The following PHACTR2 variants were observed in gnomAD, a reference collection of about 807,000 sequenced individuals.
The protein encoded by PHACTR2 is phosphatase and actin regulator 2, also known as chromosome 6 open reading frame 56.
Under a neutral mutation model 76.0 loss-of-function variants are expected in PHACTR2, and 30 were observed. The ratio of observed to expected loss-of-function variants is 0.39; its 90% CI spans 0.30 to 0.54. The LOEUF (loss-of-function observed/expected upper bound fraction) is 0.54, where lower values mean the gene tolerates loss of function less well. Ranked by LOEUF, PHACTR2 falls within the 20% of genes least tolerant of loss-of-function variation. The pLI, the probability that PHACTR2 is intolerant of heterozygous loss-of-function variation, is 0.61. For missense variants in PHACTR2, 696 were observed against 781.1 expected (o/e 0.89, Z 1.30); for synonymous variants, 292 against 292.5 (o/e 1.00, Z 0.02).
In PHACTR2 at chr6:143,558,308, G is replaced by GT. The variant is rs1775209612; in HGVS notation, c.217+21105dup. The stretch of plus-strand genomic sequence containing the variant: ...TATTGTGGTTGTGTTTTAAGAAAGA[G>GT]TTTTCCCCTATTTACATGTAAAAAT... On this transcript the variant is annotated intron_variant, in intron 1 of 11. Transcript: ENST00000367584. The surrounding 1 kb of genome is among the most constrained non-coding windows in gnomAD (Gnocchi z 4.7). Among the ~76,000 whole-genome samples, 1 of 152,080 alleles carries GT rather than the reference G, an allele frequency of 6.6e-6. No homozygotes were observed. Among genetic ancestry groups the GT allele is most frequent in the Admixed American group, 6.5e-5 (1 of 15,274 alleles).
chr6:143,543,707 G>A lies in PHACTR2; in HGVS notation c.217+6500G>A, dbSNP rs143862207. ...AGAAAACACTCAGCAGTTGCTTTTG[G>A]CTCTGAGCAGGGTTCTTTTGGGAGA... On this transcript the variant is annotated intron_variant, in intron 1 of 11. Transcript: ENST00000367584. This position sits in a 1 kb window ranked among gnomAD's most constrained non-coding sequence, Gnocchi z 4.7. 1.3e-3 allele frequency among the ~76,000 whole-genome samples: 195 copies of A among 152,320 alleles called. No individual in the cohort carries two copies. Among genetic ancestry groups the A allele is most frequent in the African/African-American group, 4.3e-3 (177 of 41,574 alleles).
intron 1 of PHACTR2, among the ~76,000 whole-genome samples, chr6:143,682,605 A>G (rs779727423): frequency 1.3e-5 from 2 of 152,190 alleles, no homozygotes; most frequent in African/African-American, 2.4e-5. Context: ...ATCTATTTAC[A>G]TGTGCAAAGA....
chr6:143,814,529 A>G (rs1192355549), intron 12 of PHACTR2, among the ~76,000 whole-genome samples: 1 of 151,466 alleles, frequency 6.6e-6, no homozygotes, highest in Non-Finnish European at 1.5e-5. Flanking sequence ...AAGTGGACTC[A>G]TGCAGTTCAA....
intron 1 of PHACTR2, among the ~76,000 whole-genome samples, chr6:143,665,138 T>A (rs896811642): frequency 6.6e-6 from 1 of 152,224 alleles, no homozygotes; most frequent in Non-Finnish European, 1.5e-5. Context: ...ATCCTGTAGA[T>A]GTTTTCAGTG....
At chr6:143,644,720 A>G (rs1262307492) in intron 1 of PHACTR2, among the ~76,000 whole-genome samples, 2 of 151,338 alleles carry the variant, frequency 1.3e-5, no homozygotes, top group African/African-American at 4.9e-5. Context: ...ATGTAAAACA[A>G]TGGTGTATCT....
rs1582772772 is a variant in PHACTR2 at position 143,688,340 on chromosome 6, T to C, written c.46+10131T>C. ...GGTGAAGTGGATGCCTGATCTGGGG[T>C]GAGGGGTGGGTAGAGAAATGGGAGT... On this transcript the variant is annotated intron_variant, in intron 1 of 12. Coordinates refer to ENST00000440869, the MANE Select transcript of PHACTR2 (RefSeq NM_001100164.2). The surrounding 1 kb of genome is among the most constrained non-coding windows in gnomAD (Gnocchi z 5.2). Among the ~76,000 whole-genome samples the C allele has an allele frequency of 6.6e-6, 1 of 152,062 alleles. No individual in the cohort carries two copies. Among genetic ancestry groups the C allele is most frequent in the Middle Eastern group, 3.4e-3 (1 of 294 alleles).
At position 143,653,135 on chromosome 6, in the gene PHACTR2, T is replaced by A. The variant is rs977799048; in HGVS notation, c.13+44813T>A. ...CCTCTGTCCCCAGGTGTCTCAGAAG[T>A]AATCCTAATCATTGAACTTTGGCCC... is the stretch of plus-strand genomic sequence containing the variant. On this transcript the variant is annotated intron_variant, in intron 1 of 11. Coordinates refer to the PHACTR2 transcript ENST00000305766. The surrounding 1 kb of genome is among the most constrained non-coding windows in gnomAD (Gnocchi z 4.9). Among the ~76,000 whole-genome samples, 6 of 152,194 alleles carry A rather than the reference T, an allele frequency of 3.9e-5. No homozygotes were observed. Among genetic ancestry groups the A allele is most frequent in the Admixed American group, 3.3e-4 (5 of 15,278 alleles).
intron 2 of PHACTR2, among the ~76,000 whole-genome samples, chr6:143,728,216 C>CTTTTTTTTTTTTTTTTTT (rs548709835): frequency 8.4e-5 from 7 of 83,744 alleles, no homozygotes; most frequent in East Asian, 3.2e-4. Flanking sequence ...TTTTTTCTTT[C>CTTTTTTTTTTTTTTTTTT]TTTTTTTTTT....
In PHACTR2 at chr6:143,561,543, A is replaced by G. The variant is rs1032279519; in HGVS notation, c.217+24336A>G. On this transcript the variant is annotated intron_variant, in intron 1 of 11. Transcript: ENST00000367584. The surrounding 1 kb of genome is among the most constrained non-coding windows in gnomAD (Gnocchi z 4.1). ...GCTGTGGGCCCAGAGTGCAGGGGAG[A>G]TGCCTGGTCCCCTCCTCCAGTCAGT... is the stretch of plus-strand genomic sequence containing the variant. 1 of 152,274 alleles carries G rather than the reference A, an allele frequency of 6.6e-6. No individual in the cohort carries two copies. Among genetic ancestry groups the G allele is most frequent in the African/African-American group, 2.4e-5 (1 of 41,420 alleles). The allele number at this position is 152,274 out of a possible 1,614,324, so 9.4% of individuals were successfully genotyped here.
chr6:143,737,007 G>T lies in PHACTR2; in HGVS notation c.215-11978G>T, dbSNP rs1324882570. On this transcript the variant is annotated intron_variant, in intron 2 of 12. Transcript: ENST00000440869. ...ACCTACCAATAACTTGCAGGGTCTGGATTTGAACACAAAGGTATATTCTTA... is the reference window on the plus strand; with the variant it reads ...ACCTACCAATAACTTGCAGGGTCTGTATTTGAACACAAAGGTATATTCTTA... Among the ~76,000 whole-genome samples, 4 of 151,912 alleles carry T rather than the reference G, an allele frequency of 2.6e-5. No homozygotes were observed. In the East Asian group the frequency reaches 7.7e-4, roughly 29 times the overall value.
intron 2 of PHACTR2, among the ~76,000 whole-genome samples, chr6:143,720,604 G>A (rs1010331725): frequency 5.3e-5 from 8 of 152,130 alleles, no homozygotes; most frequent in Non-Finnish European, 1.2e-4. Flanking sequence ...GAACCTCATG[G>A]TTGTTAATCT....
rs73778697 is a variant in PHACTR2 at position 143,811,296 on chromosome 6, G to A, written c.1922+4163G>A. 0.011 allele frequency among the ~76,000 whole-genome samples: 1,656 copies of A among 152,218 alleles called. 25 individuals are homozygous for A. The highest frequency in any genetic ancestry group is 0.038 in the African/African-American group (1,563 of 41,542). ...TCTAATGAGCTGTTTGTCTATCCAT[G>A]TCTATATCCTACTGTTTAATTTGGA... On this transcript the variant is annotated intron_variant, in intron 12 of 12. Coordinates refer to ENST00000440869, the MANE Select transcript of PHACTR2 (RefSeq NM_001100164.2). This position sits in a 1 kb window ranked among gnomAD's most constrained non-coding sequence, Gnocchi z 4.1.
rs1171456316 is a variant in PHACTR2, at chr6:143,608,918, T to C, written c.13+596T>C. Among the ~76,000 whole-genome samples the C allele has an allele frequency of 3.3e-5, 5 of 152,240 alleles. No individual in the cohort carries two copies. Among genetic ancestry groups the C allele is most frequent in the Admixed American group, 3.3e-4 (5 of 15,282 alleles). ...ACTAGACAAACAGATGATTGAAGTA[T>C]GTTAATGTCAATTAAATAATTAGCA... On this transcript the variant is annotated intron_variant, in intron 1 of 11. Transcript: ENST00000305766. The surrounding 1 kb of genome is among the most constrained non-coding windows in gnomAD (Gnocchi z 4.6).
rs980308437 is a variant in PHACTR2 at position 143,548,719 on chromosome 6, G to A, written c.217+11512G>A. On this transcript the variant is annotated intron_variant, in intron 1 of 11. Coordinates refer to the PHACTR2 transcript ENST00000367584. This position sits in a 1 kb window ranked among gnomAD's most constrained non-coding sequence, Gnocchi z 4.5. ...CCTCCTTGTACCTGGGGCCCGGGGA[G>A]GTAAGAAATTGCAGGGCTTCTGGGA... Among the ~76,000 whole-genome samples, 1 of 152,144 alleles carries A rather than the reference G, an allele frequency of 6.6e-6. No homozygotes were observed. Among genetic ancestry groups the A allele is most frequent in the Middle Eastern group, 3.4e-3 (1 of 294 alleles).
chr6:143,711,805 C>G (rs747127295), intron 1 of PHACTR2: 1 of 729,682 alleles, frequency 1.4e-6, no homozygotes, highest in Non-Finnish European at 2.5e-6. Context: ...TCTGTTTCCC[C>G]AGAATGATTT....
intron 1 of PHACTR2, among the ~76,000 whole-genome samples, chr6:143,705,907 C>T (rs1778042642): frequency 6.6e-6 from 1 of 152,166 alleles, no homozygotes; most frequent in Non-Finnish European, 1.5e-5. Context: ...GAGTTAAGCT[C>T]CACTTTCTTG....
In PHACTR2 at chr6:143,562,144, C is replaced by G. The variant is rs2128429747; in HGVS notation, c.217+24937C>G. On this transcript the variant is annotated intron_variant, in intron 1 of 11. Transcript: ENST00000367584. The surrounding 1 kb of genome is among the most constrained non-coding windows in gnomAD (Gnocchi z 5.1). ...GACCTCGTAGCCTTGTCACAGTGCT[C>G]TCTGTTGTGTTGGAATAATCTGTTT... The G allele has an allele frequency of 6.6e-6, 1 of 152,372 alleles. No homozygotes were observed. The highest frequency in any genetic ancestry group is 2.1e-4 in the South Asian group (1 of 4,830). 9.4% of individuals were successfully genotyped at this position (152,372 alleles called of 1,614,324 possible). A position where few individuals can be genotyped will look rare whatever the true frequency, so the allele number is the denominator to read the frequency against.
rs1775694594 is a variant in PHACTR2, at chr6:143,591,746, A to G, written c.217+54539A>G. ...AAGGGGCCTCCCTGCTCTGGGCGCC[A>G]CCTTGGCCTCCTCCAATTATCCATC... On this transcript the variant is annotated intron_variant, in intron 1 of 11. Transcript: ENST00000367584. This position sits in a 1 kb window ranked among gnomAD's most constrained non-coding sequence, Gnocchi z 6.4. Among the ~76,000 whole-genome samples the G allele has an allele frequency of 6.6e-6, 1 of 152,200 alleles. No homozygotes were observed. The highest frequency in any genetic ancestry group is 2.4e-5 in the African/African-American group (1 of 41,454).
rs1375048835 is a variant in PHACTR2 at position 143,783,406 on chromosome 6, A to G, written c.1707+126A>G. On this transcript the variant is annotated intron_variant, in intron 10 of 12. Transcript: ENST00000440869. The surrounding 1 kb of genome is among the most constrained non-coding windows in gnomAD (Gnocchi z 5.2). Reference sequence around the variant, plus strand: ...TAATTATTCCTATTAGTCTATAATCATAGACATCAAAATCACAAGCCTGGG... The same window carrying G: ...TAATTATTCCTATTAGTCTATAATCGTAGACATCAAAATCACAAGCCTGGG... 3.6e-6 allele frequency: 2 copies of G among 552,936 alleles called. No homozygotes were observed. The highest frequency in any genetic ancestry group is 3.4e-5 in the Admixed American group (1 of 29,440). The allele number at this position is 552,936 out of a possible 1,614,324, so 34.3% of individuals were successfully genotyped here. A position where few individuals can be genotyped will look rare whatever the true frequency, so the allele number is the denominator to read the frequency against.
Sources: gnomAD v4.1 joint callset for allele counts (sites outside exome capture counted in the v4.1 genomes callset) on GRCh38, gnomAD v4.1.1 for gene constraint, Gnocchi (gnomAD v3.1) non-coding constraint, MANE v1.5 for transcripts, NCBI Gene and HGNC (gene_info 2026-07-23, HGNC 2026-07-21) for gene names.